Variants in ST3GAL3 observed in about 807,000 individuals in gnomAD.
The protein encoded by ST3GAL3 is CMP-N-acetylneuraminate-beta-1,4-galactoside alpha-2,3-sialyltransferase.
ST3GAL3 carries 21 observed loss-of-function variants against 50.1 expected under a neutral mutation model. The observed-to-expected ratio is 0.42, with a 90% CI of 0.30 to 0.60. The LOEUF is 0.60. ST3GAL3 is among the 20% of genes least tolerant of loss of function. ST3GAL3 has a pLI of 0.19. For missense variants in ST3GAL3, 353 were observed against 489.4 expected, an observed-to-expected ratio of 0.72 and a Z score of 2.63; for synonymous variants, 183 against 190.0, an observed-to-expected ratio of 0.96 and a Z score of 0.30.
chr1:43,736,292 G>A lies in ST3GAL3; in HGVS notation c.30G>A (p.Leu10=). Residue 10 remains leucine (L), a synonymous_variant, in exon 2 of 12, where the codon CTG becomes CTA. Transcript: ENST00000347631. The part of the protein sequence containing the change: MGLLVFVRN[L]LLALCLFLVL... The stretch of plus-strand genomic sequence containing the variant: ...GACTCTTGGTATTTGTGCGCAATCT[G>A]CTGCTAGCCCTCTGCCTCTTTCTGG... 6 of 1,614,164 alleles carry A rather than the reference G, an allele frequency of 3.7e-6. No individual in the cohort carries two copies. Among genetic ancestry groups the A allele is most frequent in the Non-Finnish European group, 5.1e-6 (6 of 1,180,018 alleles).
intron 5 of ST3GAL3, among the ~76,000 whole-genome samples, chr1:43,883,869 C>T (rs973089259): frequency 3.9e-5 from 6 of 152,196 alleles, no homozygotes; most frequent in African/African-American, 1.4e-4. Flanking sequence ...CCAGGCTTAA[C>T]GTTTATTTAC....
chr1:43,882,215 T>G (rs995670783), intron 5 of ST3GAL3, among the ~76,000 whole-genome samples: 2 of 152,108 alleles, frequency 1.3e-5, no homozygotes, highest in Admixed American at 6.5e-5. Flanking sequence ...AAGTTCAGCA[T>G]GTGAATGATA....
intron 1 of ST3GAL3, among the ~76,000 whole-genome samples, chr1:43,731,378 A>ATT (rs4019073): frequency 9.6e-4 from 67 of 69,844 alleles, no homozygotes; most frequent in Non-Finnish European, 1.2e-3. Flanking sequence ...CACCCAGCTA[A>ATT]TTTTTTTTTT....
intron 6 of ST3GAL3, among the ~76,000 whole-genome samples, chr1:43,895,039 G>A (rs1273664216): frequency 6.6e-6 from 1 of 152,186 alleles, no homozygotes; most frequent in Non-Finnish European, 1.5e-5. Flanking sequence ...CGGAGATTCA[G>A]ATATTCAAGA....
chr1:43,886,266 A>G (rs2075974001), intron 5 of ST3GAL3, among the ~76,000 whole-genome samples: 1 of 152,228 alleles, frequency 6.6e-6, no homozygotes, highest in African/African-American at 2.4e-5. Flanking sequence ...CTGTAGTTCC[A>G]GCTACTCGTG....
intron 3 of ST3GAL3, among the ~76,000 whole-genome samples, chr1:43,792,888 G>A (rs559923650): frequency 7.9e-5 from 12 of 152,312 alleles, no homozygotes; most frequent in Non-Finnish European, 1.8e-4. Flanking sequence ...GCCTCAGAAT[G>A]ACGTGACTTT....
At chr1:43,718,521 GTTTT>G (rs11420276) in intron 1 of ST3GAL3, among the ~76,000 whole-genome samples, 1 of 150,022 alleles carries the variant, frequency 6.7e-6, no homozygotes, top group Non-Finnish European at 1.5e-5. Context: ...TCTTGCTTGA[GTTTT>G]TTTTTATTTT....
chr1:43,753,055 A>G (rs1050862110), intron 2 of ST3GAL3, among the ~76,000 whole-genome samples: 1 of 152,248 alleles, frequency 6.6e-6, no homozygotes, highest in Non-Finnish European at 1.5e-5. Flanking sequence ...AAAGGTTATA[A>G]CTAAACAATT....
chr1:43,851,286 C>T lies in ST3GAL3; in HGVS notation c.302+12975C>T, dbSNP rs184397265. On this transcript the variant is annotated intron_variant, in intron 5 of 11. Coordinates refer to ENST00000347631, the MANE Select transcript of ST3GAL3 (RefSeq NM_006279.5). ...ATTTTCTTCTTGTCTGTCATGAACC[C>T]GTGGGTCAGGTGACCCCCATCTGGC... 189 of 1,576,980 alleles carry T rather than the reference C, an allele frequency of 1.2e-4. 1 individual carries two copies. In the East Asian group the frequency reaches 3.8e-3, roughly 32 times the overall value.
chr1:43,851,418 T>C (rs1347176006), intron 5 of ST3GAL3: 3 of 1,611,792 alleles, frequency 1.9e-6, no homozygotes, highest in Non-Finnish European at 2.5e-6. Context: ...GCACTGTGGG[T>C]CCAGCTTATA....
At position 43,919,358 on chromosome 1, in the gene ST3GAL3, C is replaced by T. The variant is rs181248682; in HGVS notation, c.745-1046C>T. 4.7e-3 allele frequency: 722 copies of T among 152,390 alleles called. 7 individuals are homozygous for T. The highest frequency in any genetic ancestry group is 0.019 in the South Asian group (93 of 4,832). The allele number at this position is 152,390 out of a possible 1,614,324, so 9.4% of individuals were successfully genotyped here. On this transcript the variant is annotated intron_variant, in intron 9 of 11. Transcript: ENST00000347631. ...CCTCCCAAAGTGCTGGGATTACAGGCATGAGCCACTGCGCCTGGCTGATTC... is the reference window on the plus strand; with the variant it reads ...CCTCCCAAAGTGCTGGGATTACAGGTATGAGCCACTGCGCCTGGCTGATTC...
intron 1 of ST3GAL3, among the ~76,000 whole-genome samples, chr1:43,713,351 G>A (rs1368631132): frequency 6.6e-6 from 1 of 152,098 alleles, no homozygotes; most frequent in African/African-American, 2.4e-5. Flanking sequence ...TCTGAGGATT[G>A]GAGGGAATAG....
At chr1:43,882,396 A>T (rs1470344510) in intron 5 of ST3GAL3, among the ~76,000 whole-genome samples, 2 of 152,234 alleles carry the variant, frequency 1.3e-5, no homozygotes, top group Non-Finnish European at 2.9e-5. Flanking sequence ...CTTGTAAATC[A>T]GACTGAAGAG....
At chr1:43,817,573 T>TCTCCTTCTTCCTC (rs2061463599) in intron 4 of ST3GAL3, among the ~76,000 whole-genome samples, 1 of 86,482 alleles carries the variant, frequency 1.2e-5, no homozygotes, top group Non-Finnish European at 2.4e-5. Context: ...TCCTTCTTCT[T>TCTCCTTCTTCCTC]CTCCTTCTCC....
At position 43,735,566 on chromosome 1, in the gene ST3GAL3, CCTGAG is replaced by C. The variant is rs146138616; in HGVS notation, c.-30-666_-30-662del. 1.7e-3 allele frequency among the ~76,000 whole-genome samples: 260 copies of C among 152,292 alleles called. 4 individuals carry two copies. The East Asian group carries it at 0.042, about 25-fold the overall frequency. ...TGCACGAACTGAATTCAGCCAACGG[CCTGAG>C]TGAGCATGGAAGTGGATTCTTCTCC... On this transcript the variant is annotated intron_variant, in intron 1 of 11. Coordinates refer to ENST00000347631, the MANE Select transcript of ST3GAL3 (RefSeq NM_006279.5).
chr1:43,794,303 A>G (rs2058443039), intron 3 of ST3GAL3, among the ~76,000 whole-genome samples: 1 of 152,250 alleles, frequency 6.6e-6, no homozygotes. Flanking sequence ...AATAAACCCA[A>G]GAAAAGGTGT....
At chr1:43,902,029 C>T (rs1571017999) in intron 9 of ST3GAL3, among the ~76,000 whole-genome samples, 1 of 152,336 alleles carries the variant, frequency 6.6e-6, no homozygotes, top group East Asian at 1.9e-4. Flanking sequence ...CACCCCAAGC[C>T]CAAGGCTAAT....
intron 2 of ST3GAL3, among the ~76,000 whole-genome samples, chr1:43,761,715 C>T (rs1424994726): frequency 1.3e-5 from 2 of 151,616 alleles, no homozygotes; most frequent in Non-Finnish European, 2.9e-5. Context: ...CTTTGGGAGG[C>T]CAAGGTGGGC....
intron 9 of ST3GAL3, chr1:43,916,681 CGA>C (rs1288949084): frequency 5.9e-5 from 9 of 152,196 alleles, no homozygotes; most frequent in Middle Eastern, 3.4e-3. Flanking sequence ...TTCCTGAACT[CGA>C]GTGATTCTTC....
Sources: allele counts gnomAD v4.1 joint callset (sites outside exome capture counted in the v4.1 genomes callset), GRCh38; gene constraint gnomAD v4.1.1; transcripts MANE v1.5; gene names NCBI Gene and HGNC (gene_info 2026-07-23, HGNC 2026-07-21).